Variants in PTPRF observed in about 807,000 individuals in gnomAD.
PTPRF encodes the protein protein tyrosine phosphatase receptor type F, also known as receptor-type tyrosine-protein phosphatase F.
In PTPRF, 59 loss-of-function variants were observed where a neutral mutation model predicts 201.8. The ratio of observed to expected loss-of-function variants is 0.29; its 90% CI spans 0.24 to 0.36. The LOEUF (loss-of-function observed/expected upper bound fraction) is 0.36. Among genes scored for constraint, PTPRF ranks in the 10% least tolerant of loss-of-function variants. The pLI is 1.00. For synonymous variants in PTPRF, 1,088 were observed against 1,089.7 expected, an observed-to-expected ratio of 1.00 and a Z score of 0.03; for missense variants, 2,132 against 2,690.5, an observed-to-expected ratio of 0.79 and a Z score of 4.59.
Position 43,597,741 on chromosome 1 carries a change from T to TGC in PTPRF, c.1814-7_1814-6insGC. ...CTGCTTGCTTCCCCCCCATTTGTCT[T>TGC]CCCCAGCCCCCTCCGCCCCTCCCCA... On this transcript the variant is annotated splice_polypyrimidine_tract_variant and splice_region_variant and intron_variant, in intron 11 of 33. Coordinates refer to ENST00000359947, the MANE Select transcript of PTPRF (RefSeq NM_002840.5). 16 of 1,517,838 alleles carry TGC rather than the reference T, an allele frequency of 1.1e-5. No individual in the cohort carries two copies. Among genetic ancestry groups the TGC allele is most frequent in the East Asian group, 2.3e-5 (1 of 42,786 alleles). 94.0% of individuals were successfully genotyped at this position (1,517,838 alleles called of 1,614,324 possible). A position where few individuals can be genotyped will look rare whatever the true frequency, so the allele number is the denominator to read the frequency against.
In PTPRF at chr1:43,545,727, C is replaced by G. The variant is rs142010225; in HGVS notation, c.91+561C>G. Among the ~76,000 whole-genome samples, 187 of 152,264 alleles carry G rather than the reference C, an allele frequency of 1.2e-3. 7 individuals are homozygous for G. In the South Asian group the frequency reaches 0.025, roughly 20 times the overall value. ...CCTTCTAGGCAAAGGAGCATCCCCC[C>G]ACCCCAGCTCCTCAGACCTGGAAAT... On this transcript the variant is annotated intron_variant, in intron 3 of 33. Transcript: ENST00000359947.
upstream of PTPRF, among the ~76,000 whole-genome samples, chr1:43,522,849 C>T (rs1642995132): frequency 6.6e-6 from 1 of 152,156 alleles, no homozygotes; most frequent in South Asian, 2.1e-4. Flanking sequence ...GCATTTCATC[C>T]ATGTGGAGGA....
upstream of PTPRF, among the ~76,000 whole-genome samples, chr1:43,522,444 AT>A (rs1642985137): frequency 1.3e-5 from 2 of 152,112 alleles, no homozygotes; most frequent in Admixed American, 6.5e-5. Flanking sequence ...AATAGCTAAC[AT>A]TTACTGGGTA....
chr1:43,581,987 A>G (rs369932091), intron 7 of PTPRF, among the ~76,000 whole-genome samples: 3 of 152,312 alleles, frequency 2.0e-5, no homozygotes, highest in Non-Finnish European at 2.9e-5. Flanking sequence ...AAACGTTGCA[A>G]CGTGTCACCT....
At chr1:43,563,732 G>C (rs1456826615) in intron 5 of PTPRF, among the ~76,000 whole-genome samples, 1 of 152,206 alleles carries the variant, frequency 6.6e-6, no homozygotes, top group South Asian at 2.1e-4. Flanking sequence ...GCTGAGAAGT[G>C]AGAGGGAGGC....
intron 11 of PTPRF, among the ~76,000 whole-genome samples, chr1:43,596,094 A>G (rs567280150): frequency 6.6e-6 from 1 of 152,208 alleles, no homozygotes; most frequent in South Asian, 2.1e-4. Flanking sequence ...GGACCTTGCG[A>G]TATTGGTGAG....
rs1331891918 is a variant in PTPRF, at chr1:43,602,080, G to C, written c.2323G>C (p.Glu775Gln). 1 of 1,613,710 alleles carries C rather than the reference G, an allele frequency of 6.2e-7. No homozygotes were observed. Among genetic ancestry groups the C allele is most frequent in the East Asian group, 2.2e-5 (1 of 44,880 alleles). ...CCTCTCCCGCGGTCAGTGGCGGCCA[G>C]AGGAGTCCGAGGACTATGTAAGTAA... is the stretch of plus-strand genomic sequence containing the variant. ...VMLAEAQWRP[E>Q]ESEDYETTIS... Residue 775 changes from glutamate to glutamine, a missense_variant, in exon 14 of 34, where the codon GAG becomes CAG. Coordinates refer to ENST00000359947, the MANE Select transcript of PTPRF (RefSeq NM_002840.5).
intron 11 of PTPRF, among the ~76,000 whole-genome samples, 193 bp from the exon 12 acceptor site, chr1:43,597,555 G>C (rs2154020525): frequency 6.6e-6 from 1 of 152,238 alleles, no homozygotes. Context: ...GGAGAGAGAG[G>C]GAGGCAGGTC....
chr1:43,600,994 G>C (rs1332977272), intron 13 of PTPRF, among the ~76,000 whole-genome samples: 1 of 152,174 alleles, frequency 6.6e-6, no homozygotes, highest in Non-Finnish European at 1.5e-5. Context: ...GACTGGAAGG[G>C]ACGTGGGCCC....
At chr1:43,536,293 T>A (rs534546530) in intron 1 of PTPRF, among the ~76,000 whole-genome samples, 1 of 152,316 alleles carries the variant, frequency 6.6e-6, no homozygotes, top group East Asian at 1.9e-4. Flanking sequence ...TGAGGTCAGT[T>A]TGATCCCAGA....
chr1:43,617,778 G>T lies in PTPRF; in HGVS notation c.4238G>T (p.Gly1413Val). The part of the protein sequence containing the change: ...SDYINANYID[G>V]YRKQNAYIAT... Reference sequence around the variant, plus strand: ...TACATCAATGCCAACTACATCGATGGCTACCGCAAGCAGAATGCCTACATC... The same window carrying T: ...TACATCAATGCCAACTACATCGATGTCTACCGCAAGCAGAATGCCTACATC... Residue 1413 changes from glycine (G) to valine (V), a missense_variant, in exon 25 of 34, where the codon GGC (glycine) becomes GTC (valine). By Grantham distance (109) the Gly-to-Val change is moderately radical. Transcript: ENST00000359947. 6.2e-7 allele frequency: 1 copy of T among 1,614,104 alleles called. No homozygotes were observed. The highest frequency in any genetic ancestry group is 8.5e-7 in the Non-Finnish European group (1 of 1,180,020).
chr1:43,587,491 C>T (rs577853209), intron 7 of PTPRF, among the ~76,000 whole-genome samples: 4 of 152,280 alleles, frequency 2.6e-5, no homozygotes, highest in African/African-American at 7.2e-5. Flanking sequence ...TGAGGTCAGA[C>T]GTTGGACCGG....
intron 3 of PTPRF, among the ~76,000 whole-genome samples, chr1:43,551,334 C>T (rs1337901439): frequency 6.6e-6 from 1 of 152,060 alleles, no homozygotes; most frequent in Admixed American, 6.5e-5. Flanking sequence ...GCAGGAGAGT[C>T]GTGTCTGAGA....
intron 2 of PTPRF, among the ~76,000 whole-genome samples, chr1:43,541,200 A>G (rs1159224766): frequency 1.3e-5 from 2 of 152,200 alleles, no homozygotes; most frequent in African/African-American, 4.8e-5. Flanking sequence ...GGGGGAGGCT[A>G]CAGAAACAGG....
At chr1:43,611,334 G>A (rs986194412) in intron 22 of PTPRF, among the ~76,000 whole-genome samples, 3 of 152,348 alleles carry the variant, frequency 2.0e-5, no homozygotes, top group Admixed American at 6.5e-5. Flanking sequence ...TGAGCCATGT[G>A]GTTATTGGTC....
chr1:43,596,057 A>G (rs1232109309), intron 11 of PTPRF, among the ~76,000 whole-genome samples: 2 of 152,140 alleles, frequency 1.3e-5, no homozygotes, highest in African/African-American at 2.4e-5. Flanking sequence ...GCGGCCAGGA[A>G]GGAGCATGGA....
chr1:43,594,526 C>A (rs1339778052), intron 11 of PTPRF, among the ~76,000 whole-genome samples: 1 of 152,002 alleles, frequency 6.6e-6, no homozygotes, highest in Admixed American at 6.5e-5. Flanking sequence ...ATGGACAGGG[C>A]AGCCTGTGAG....
At chr1:43,616,118 A>G (rs1203835783) in intron 23 of PTPRF, among the ~76,000 whole-genome samples, 2 of 151,774 alleles carry the variant, frequency 1.3e-5, no homozygotes, top group Non-Finnish European at 2.9e-5. Flanking sequence ...GGTCTCACGG[A>G]AGCAGTGACG....
At chr1:43,566,166 C>T (rs1023517128) in intron 5 of PTPRF, among the ~76,000 whole-genome samples, 2 of 152,170 alleles carry the variant, frequency 1.3e-5, no homozygotes, top group Non-Finnish European at 2.9e-5. Context: ...GGCCCTCTCG[C>T]GCGCGGGGTG....
Sources: gnomAD v4.1 joint callset for allele counts (sites outside exome capture counted in the v4.1 genomes callset) on GRCh38, gnomAD v4.1.1 for gene constraint, MANE v1.5 for transcripts, NCBI Gene and HGNC (gene_info 2026-07-23, HGNC 2026-07-21) for gene names.